Variants in PPM1H observed in about 807,000 individuals in gnomAD.
PPM1H encodes the protein protein phosphatase 1H.
PPM1H carries 27 observed loss-of-function variants against 54.9 expected under a neutral mutation model. The observed-to-expected ratio is 0.49, with a 90% confidence interval of 0.36 to 0.68. The LOEUF (loss-of-function observed/expected upper bound fraction) is 0.68, where lower values mean the gene tolerates loss of function less well. PPM1H is among the 30% of genes least tolerant of loss of function. PPM1H has a pLI of 0.00. For synonymous variants in PPM1H, 305 were observed against 270.8 expected, an observed-to-expected ratio of 1.13 and a Z score of -1.24; for missense variants, 596 against 667.8, an observed-to-expected ratio of 0.89 and a Z score of 1.19.
rs749667530 is a variant in PPM1H at position 62,737,527 on chromosome 12, G to T, written c.929C>A (p.Thr310Lys). The T allele has an allele frequency of 6.3e-7, 1 of 1,585,064 alleles. No individual in the cohort carries two copies. The highest frequency in any genetic ancestry group is 8.6e-7 in the Non-Finnish European group (1 of 1,164,468). Reference protein sequence around the residue: ...IPMSSEFTPETERQRLQYLAF... With the variant: ...IPMSSEFTPEKERQRLQYLAF... Reference sequence around the variant, plus strand: ...CAGGTACTGAAGTCGCTGGCGCTCCGTCTCGGGGGTAAATTCTGAAGACAT... The same window carrying T: ...CAGGTACTGAAGTCGCTGGCGCTCCTTCTCGGGGGTAAATTCTGAAGACAT... The change falls in exon 5 of 10, where the codon ACG becomes AAG. Residue 310 changes from threonine (T) to lysine (K), a missense_variant. Thr to Lys is a moderately conservative substitution (Grantham distance 78, BLOSUM62 -1). Around this residue, in one of 3 missense-constraint regions of PPM1H, gnomAD observed 208 missense variants for 259.5 expected, o/e 0.80. Transcript: ENST00000228705.
intron 2 of PPM1H, among the ~76,000 whole-genome samples, chr12:62,830,129 T>C (rs1868334630): frequency 6.6e-6 from 1 of 152,242 alleles, no homozygotes; most frequent in Non-Finnish European, 1.5e-5. Context: ...CACTAACGCT[T>C]ATTACAGATT....
At chr12:62,776,257 C>G (rs531772075) in intron 4 of PPM1H, among the ~76,000 whole-genome samples, 1 of 152,284 alleles carries the variant, frequency 6.6e-6, no homozygotes, top group East Asian at 1.9e-4. Context: ...TTTGCCTCAC[C>G]TCCTTCAGAC....
chr12:62,795,708 A>C (rs1242915003), intron 3 of PPM1H, among the ~76,000 whole-genome samples: 1 of 152,038 alleles, frequency 6.6e-6, no homozygotes, highest in African/African-American at 2.4e-5. Flanking sequence ...CTGGGATTAC[A>C]GGCGTGAGCC....
In PPM1H at chr12:62,770,011, C is replaced by T. The variant is rs181558683; in HGVS notation, c.869+18215G>A. On this transcript the variant is annotated intron_variant, in intron 4 of 9. Transcript: ENST00000228705. ...GTAGCTACCAGTGGAGATATTTAAC[C>T]TTTTATCTGCAGCTATTTGCTTAGG... is the stretch of plus-strand genomic sequence containing the variant. Among the ~76,000 whole-genome samples, 213 of 151,546 alleles carry T rather than the reference C, an allele frequency of 1.4e-3. 6 individuals are homozygous for T. The East Asian group carries it at 0.034, about 24-fold the overall frequency.
chr12:62,855,443 G>C (rs1869348437), intron 1 of PPM1H, among the ~76,000 whole-genome samples: 3 of 152,144 alleles, frequency 2.0e-5, no homozygotes, highest in Admixed American at 2.0e-4. Context: ...GCAATGAGCA[G>C]AAACAGGTTG....
intron 3 of PPM1H, among the ~76,000 whole-genome samples, chr12:62,798,673 C>T (rs1030071750): frequency 4.6e-5 from 7 of 152,142 alleles, no homozygotes; most frequent in African/African-American, 1.4e-4. Context: ...CCTGGGTCTC[C>T]ACAGGGGCAC....
rs756283774 is a variant in PPM1H at position 62,788,254 on chromosome 12, G to A, written c.841C>T (p.Leu281=). ...CTATCCCCAGCATTTGCAACATACA[G>A]CTTCCCCAAAAGGCAAATCACAATG... is the stretch of plus-strand genomic sequence containing the variant. ...ALIVICLLGK[L]YVANAGDSRA... Residue 281 remains leucine (L), a synonymous_variant, in exon 4 of 10, where the codon CTG becomes TTG. Transcript: ENST00000228705. 6.3e-7 allele frequency: 1 copy of A among 1,598,966 alleles called. No individual in the cohort carries two copies. Among genetic ancestry groups the A allele is most frequent in the Non-Finnish European group, 8.5e-7 (1 of 1,172,138 alleles).
At chr12:62,814,800 C>T (rs141599958) in intron 2 of PPM1H, among the ~76,000 whole-genome samples, 285 of 152,268 alleles carry the variant, frequency 1.9e-3, no homozygotes, top group African/African-American at 6.5e-3. Context: ...CTTTCTACCC[C>T]GTCTCTCCCA....
At chr12:62,925,021 C>A (rs547871407) in intron 1 of PPM1H, among the ~76,000 whole-genome samples, 1 of 151,964 alleles carries the variant, frequency 6.6e-6, no homozygotes, top group Non-Finnish European at 1.5e-5. Flanking sequence ...CCAGCCTGAG[C>A]GACAGAGCAA....
chr12:62,919,226 C>T (rs189169503), intron 1 of PPM1H, among the ~76,000 whole-genome samples: 8 of 152,270 alleles, frequency 5.3e-5, no homozygotes, highest in South Asian at 2.1e-4. Context: ...ACATCAGGGA[C>T]GTTAAAATAG....
chr12:62,784,243 C>T (rs369727698), intron 4 of PPM1H, among the ~76,000 whole-genome samples: 5 of 152,144 alleles, frequency 3.3e-5, no homozygotes, highest in South Asian at 2.1e-4. Context: ...CAGGTACTCG[C>T]GTCACTGTGG....
Position 62,934,869 on chromosome 12 carries a change from G to A in PPM1H, c.-133C>T. The A allele has an allele frequency of 6.6e-6, 6 of 910,024 alleles. No homozygotes were observed. The highest frequency in any genetic ancestry group is 8.6e-6 in the Non-Finnish European group (6 of 701,146). The allele number at this position is 910,024 out of a possible 1,614,324, so 56.4% of individuals were successfully genotyped here. A position where few individuals can be genotyped will look rare whatever the true frequency, so the allele number is the denominator to read the frequency against. ...CGGGCCACTGGGACGCGCCGCGCGC[G>A]GCTCCCAGAGCCTAGTGCTGCAGGG... On this transcript the variant is annotated 5_prime_UTR_variant, in exon 1 of 10. Coordinates refer to ENST00000228705, the MANE Select transcript of PPM1H (RefSeq NM_020700.2). The surrounding 1 kb of genome is among the most constrained non-coding windows in gnomAD (Gnocchi z 4.2).
chr12:62,679,358 G>A (rs1197603732), intron 8 of PPM1H, among the ~76,000 whole-genome samples: 2 of 152,132 alleles, frequency 1.3e-5, no homozygotes, highest in Admixed American at 6.6e-5. Flanking sequence ...GAGGCAAATC[G>A]CCCCCAAGGG....
At chr12:62,878,905 A>G (rs865904557) in intron 1 of PPM1H, among the ~76,000 whole-genome samples, 1 of 152,132 alleles carries the variant, frequency 6.6e-6, no homozygotes, top group Admixed American at 6.5e-5. Context: ...GCGCCACTGC[A>G]CTCCAGCCTG....
intron 8 of PPM1H, among the ~76,000 whole-genome samples, chr12:62,679,933 C>T (rs1003212297): frequency 6.6e-6 from 1 of 152,198 alleles, no homozygotes; most frequent in South Asian, 2.1e-4. Context: ...ATTACTTTCA[C>T]CCTCAAGATT....
chr12:62,788,065 G>A (rs1248566854), intron 4 of PPM1H, among the ~76,000 whole-genome samples, 161 bp downstream of exon 4: 1 of 152,194 alleles, frequency 6.6e-6, no homozygotes, highest in East Asian at 1.9e-4. Context: ...GTAAGAGACT[G>A]CCTTTACCTT....
chr12:62,685,935 CTAAG>C (rs2076048581), intron 8 of PPM1H, among the ~76,000 whole-genome samples: 1 of 152,190 alleles, frequency 6.6e-6, no homozygotes, highest in Admixed American at 6.5e-5. Context: ...CTCACCCAGA[CTAAG>C]TAGTTAATAA....
intron 5 of PPM1H, among the ~76,000 whole-genome samples, chr12:62,733,478 C>T (rs1261792249): frequency 1.3e-5 from 2 of 152,048 alleles, no homozygotes; most frequent in Admixed American, 6.6e-5. Flanking sequence ...AGGCTGGTCT[C>T]GAACTCCTGA....
intron 2 of PPM1H, among the ~76,000 whole-genome samples, chr12:62,831,757 G>A (rs1009193844): frequency 4.2e-5 from 6 of 143,322 alleles, no homozygotes; most frequent in Non-Finnish European, 7.4e-5. Context: ...ATATATATTC[G>A]TGTATATATA....
Sources: gnomAD v4.1 joint callset for allele counts (sites outside exome capture counted in the v4.1 genomes callset) on GRCh38, gnomAD v4.1.1 for gene constraint, gnomAD v4.1.1 regional missense constraint, Gnocchi (gnomAD v3.1) non-coding constraint, MANE v1.5 for transcripts, NCBI Gene and HGNC (gene_info 2026-07-23, HGNC 2026-07-21) for gene names.